Variants in SDS observed in about 807,000 individuals in gnomAD.
The protein encoded by SDS is L-serine dehydratase/L-threonine deaminase.
In SDS, 19 loss-of-function variants were observed where a neutral mutation model predicts 29.3. That is an observed-to-expected ratio of 0.65 (90% CI 0.45 to 0.95). SDS has a LOEUF of 0.95. Among genes scored for constraint, SDS ranks in the 40% least tolerant of loss-of-function variants. The pLI is 0.00. For synonymous variants in SDS, 176 were observed against 189.0 expected (o/e 0.93, Z 0.56); for missense variants, 375 against 439.9 (o/e 0.85, Z 1.32).
chr12:113,398,254 A>G (rs1231306229), intron 5 of SDS, among the ~76,000 whole-genome samples: 1 of 151,906 alleles, frequency 6.6e-6, no homozygotes, highest in Non-Finnish European at 1.5e-5. Flanking sequence ...TATTTTTAGT[A>G]GAGATGGGGT....
rs1389897948 is a variant in SDS, at chr12:113,399,642, C to A, written c.67G>T (p.Ala23Ser). ...ATCTTGAGGTAGACGCTGGTGCCGG[C>A]CATTTTGGACAGGGCCATGCTGTCA... ...IRDSMALSKM[A>S]GTSVYLKMDS... Residue 23 changes from alanine (A) to serine (S), a missense_variant, in exon 2 of 8, where the codon GCC becomes TCC. Coordinates refer to ENST00000257549, the MANE Select transcript of SDS (RefSeq NM_006843.3). 1.2e-6 allele frequency: 2 copies of A among 1,600,312 alleles called. No homozygotes were observed. Among genetic ancestry groups the A allele is most frequent in the South Asian group, 1.1e-5 (1 of 88,128 alleles).
At position 113,392,582 on chromosome 12, in the gene SDS, C is replaced by A; in HGVS notation, c.*359G>T. On this transcript the variant is annotated 3_prime_UTR_variant, in exon 8 of 8. Transcript: ENST00000257549. ...TGGTTGGTGGCCCTGTTGACCTTCA[C>A]TGGGAACAAGTTCAGGGGCGAGGTC... 1 of 259,306 alleles carries A rather than the reference C, an allele frequency of 3.9e-6. No homozygotes were observed. The highest frequency in any genetic ancestry group is 7.3e-6 in the Non-Finnish European group (1 of 136,986). 16.1% of individuals were successfully genotyped at this position (259,306 alleles called of 1,614,324 possible). A position where few individuals can be genotyped will look rare whatever the true frequency, so the allele number is the denominator to read the frequency against.
rs564543143 is a variant in SDS at position 113,398,250 on chromosome 12, T to C, written c.425+265A>G. Among the ~76,000 whole-genome samples the C allele has an allele frequency of 1.4e-4, 22 of 152,168 alleles. No individual in the cohort carries two copies. In the East Asian group the frequency reaches 4.1e-3, roughly 28 times the overall value. On this transcript the variant is annotated intron_variant, in intron 5 of 7. Transcript: ENST00000257549. ...CAAGTACAGGTAATTTTTGTATTTTTAGTAGAGATGGGGTTTCCCCATGTT... is the reference window on the plus strand; with the variant it reads ...CAAGTACAGGTAATTTTTGTATTTTCAGTAGAGATGGGGTTTCCCCATGTT...
chr12:113,399,897 C>T (rs1034119731), intron 1 of SDS, among the ~76,000 whole-genome samples, 187 bp from the exon 2 acceptor site: 3 of 152,224 alleles, frequency 2.0e-5, no homozygotes, highest in Non-Finnish European at 2.9e-5. Context: ...CAGGTAATCA[C>T]GCCTTGGCCT....
chr12:113,396,464 T>A (rs970429546), intron 6 of SDS, among the ~76,000 whole-genome samples: 15 of 138,856 alleles, frequency 1.1e-4, no homozygotes, highest in African/African-American at 4.1e-4. Context: ...TTTCTCTTTC[T>A]CCTTTTTTCT....
intron 1 of SDS, among the ~76,000 whole-genome samples, 155 bp from the exon 2 acceptor site, chr12:113,399,865 C>G (rs1420966992): frequency 6.6e-6 from 1 of 152,178 alleles, no homozygotes; most frequent in Non-Finnish European, 1.5e-5. Context: ...AGTGGGCCAC[C>G]TACTCACCAT....
At chr12:113,397,541 G>T (rs1957655922) in intron 5 of SDS, 149 bp from the exon 6 acceptor site, 4 of 670,832 alleles carry the variant, frequency 6.0e-6, no homozygotes, top group Admixed American at 2.9e-5. Context: ...CAGCATCTGT[G>T]TCTCTGCCTG....
rs76333156 is a variant in SDS at position 113,395,041 on chromosome 12, G to C, written c.654-1025C>G. Among the ~76,000 whole-genome samples, 487 of 152,318 alleles carry C rather than the reference G, an allele frequency of 3.2e-3. 3 individuals are homozygous for C. The highest frequency in any genetic ancestry group is 0.011 in the African/African-American group (475 of 41,564). ...GAATTCACACAAGAATTCTGCTGTTGTTAATTGGTTTGATTTTGGAAAGGG... is the reference window on the plus strand; with the variant it reads ...GAATTCACACAAGAATTCTGCTGTTCTTAATTGGTTTGATTTTGGAAAGGG... On this transcript the variant is annotated intron_variant, in intron 6 of 7. Transcript: ENST00000257549.
chr12:113,393,834 G>A, intron 7 of SDS, 58 bp downstream of exon 7: 1 of 1,608,914 alleles, frequency 6.2e-7, no homozygotes, highest in South Asian at 1.1e-5. Flanking sequence ...CATACCAAGT[G>A]GACAGCCACT....
At chr12:113,397,105 C>A in intron 6 of SDS, 60 bp downstream of exon 6, 2 of 1,448,802 alleles carry the variant, frequency 1.4e-6, no homozygotes, top group Non-Finnish European at 9.6e-7. Context: ...TCAAAGCCAG[C>A]CCTAAGGGGG....
rs1248120917 is a variant in SDS, at chr12:113,392,658, C to G, written c.*283G>C. 1 of 421,742 alleles carries G rather than the reference C, an allele frequency of 2.4e-6. No individual in the cohort carries two copies. Among genetic ancestry groups the G allele is most frequent in the Admixed American group, 4.3e-5 (1 of 23,032 alleles). 26.1% of individuals were successfully genotyped at this position (421,742 alleles called of 1,614,324 possible). A position where few individuals can be genotyped will look rare whatever the true frequency, so the allele number is the denominator to read the frequency against. On this transcript the variant is annotated 3_prime_UTR_variant, in exon 8 of 8. Transcript: ENST00000257549. Reference sequence around the variant, plus strand: ...TGTGATTCAGGTCTCTCCTGTCCACCCTGCTCTGGGTACCTGGTGTGTTAC... The same window carrying G: ...TGTGATTCAGGTCTCTCCTGTCCACGCTGCTCTGGGTACCTGGTGTGTTAC...
chr12:113,393,119 C>G lies in SDS; in HGVS notation c.809G>C (p.Cys270Ser). 6.2e-7 allele frequency: 1 copy of G among 1,614,052 alleles called. No homozygotes were observed. Among genetic ancestry groups the G allele is most frequent in the Non-Finnish European group, 8.5e-7 (1 of 1,180,018 alleles). ...DDEKILVEPA[C>S]GAALAAVYSH... is the part of the protein sequence containing the mutation. ...ATAGACAGCGGCCAGGGCTGCCCCG[C>G]AGGCGGGCTCCACCAGGATCTTCTC... The change falls in exon 8 of 8, where the codon TGC becomes TCC. Residue 270 changes from cysteine (C) to serine (S), a missense_variant. Cys to Ser is a moderately radical substitution (Grantham distance 112). Coordinates refer to ENST00000257549, the MANE Select transcript of SDS (RefSeq NM_006843.3).
chr12:113,393,160 A>C lies in SDS; in HGVS notation c.779-11T>G. 1 of 1,613,072 alleles carries C rather than the reference A, an allele frequency of 6.2e-7. No homozygotes were observed. Among genetic ancestry groups the C allele is most frequent in the Non-Finnish European group, 8.5e-7 (1 of 1,179,820 alleles). The stretch of plus-strand genomic sequence containing the variant: ...GGATCTTCTCATCATCTGCCAGAGA[A>C]GGGGCGTGACAGGGGCGTGGCCTGA... On this transcript the variant is annotated splice_polypyrimidine_tract_variant and intron_variant, in intron 7 of 7. Coordinates refer to ENST00000257549, the MANE Select transcript of SDS (RefSeq NM_006843.3).
Position 113,392,780 on chromosome 12 carries a change from C to T in SDS, c.*161G>A, listed in dbSNP as rs909013512. ...TCCAATTCATAGCCTCGCTGGCTGC[C>T]GACCTTTGGCCTCTGCATAGTGGGC... is the stretch of plus-strand genomic sequence containing the variant. On this transcript the variant is annotated 3_prime_UTR_variant, in exon 8 of 8. Coordinates refer to ENST00000257549, the MANE Select transcript of SDS (RefSeq NM_006843.3). 20 of 739,506 alleles carry T rather than the reference C, an allele frequency of 2.7e-5. No homozygotes were observed. In the South Asian group the frequency reaches 2.8e-4, roughly 10 times the overall value. 45.8% of individuals were successfully genotyped at this position (739,506 alleles called of 1,614,324 possible). A position where few individuals can be genotyped will look rare whatever the true frequency, so the allele number is the denominator to read the frequency against.
In SDS at chr12:113,394,307, G is replaced by A. The variant is rs951855104; in HGVS notation, c.654-291C>T. 1.7e-4 allele frequency among the ~76,000 whole-genome samples: 26 copies of A among 150,908 alleles called. 1 individual carries two copies. Among genetic ancestry groups the A allele is most frequent in the Admixed American group, 1.3e-3 (20 of 15,116 alleles). The stretch of plus-strand genomic sequence containing the variant: ...CTGAGTGTCACTATGTTGCCCAGGC[G>A]GGTTTTTGTTTTGTTTGTTTTTTTG... On this transcript the variant is annotated intron_variant, in intron 6 of 7. Coordinates refer to ENST00000257549, the MANE Select transcript of SDS (RefSeq NM_006843.3).
At chr12:113,394,400 T>C (rs1957632918) in intron 6 of SDS, among the ~76,000 whole-genome samples, 3 of 150,640 alleles carry the variant, frequency 2.0e-5, no homozygotes, top group South Asian at 2.1e-4. Context: ...AGTGCAGTGG[T>C]GCGATCTCAG....
chr12:113,398,933 G>T, intron 3 of SDS, 87 bp from the exon 4 acceptor site: 1 of 1,528,602 alleles, frequency 6.5e-7, no homozygotes. Context: ...GGGGGCTCTG[G>T]AGTTCCCCCC....
intron 5 of SDS, among the ~76,000 whole-genome samples, chr12:113,398,080 T>TC (rs1957659635): frequency 6.6e-6 from 1 of 150,754 alleles, no homozygotes; most frequent in African/African-American, 2.4e-5. Context: ...TTTTTTTGTT[T>TC]TTTTTTTTGA....
chr12:113,393,875 G>A lies in SDS; in HGVS notation c.778+17C>T, dbSNP rs774295388. 1 of 1,614,162 alleles carries A rather than the reference G, an allele frequency of 6.2e-7. No individual in the cohort carries two copies. Among genetic ancestry groups the A allele is most frequent in the East Asian group, 2.2e-5 (1 of 44,876 alleles). On this transcript the variant is annotated intron_variant, in intron 7 of 7. Coordinates refer to ENST00000257549, the MANE Select transcript of SDS (RefSeq NM_006843.3). ...CCTGAGTCAGCAGGTCAGGTCATGG[G>A]AGGACCTGGCACATACCCACGAACT...
Sources: allele counts gnomAD v4.1 joint callset (sites outside exome capture counted in the v4.1 genomes callset), GRCh38; gene constraint gnomAD v4.1.1; transcripts MANE v1.5; gene names NCBI Gene and HGNC (gene_info 2026-07-23, HGNC 2026-07-21).